The following SEMA5A variants were observed in gnomAD, a reference collection of about 807,000 sequenced individuals.
The protein encoded by SEMA5A is semaphorin 5A.
In SEMA5A, 55 loss-of-function variants were observed where a neutral mutation model predicts 135.5. That is an observed-to-expected ratio of 0.41 (90% CI 0.33 to 0.51). The LOEUF (loss-of-function observed/expected upper bound fraction) is 0.51, where lower values mean the gene tolerates loss of function less well. Among genes scored for constraint, SEMA5A ranks in the 20% least tolerant of loss-of-function variants. The pLI, the probability that SEMA5A is intolerant of heterozygous loss-of-function variation, is 0.37. For missense variants in SEMA5A, 1,290 were observed against 1,419.9 expected (o/e 0.91, Z 1.47); for synonymous variants, 580 against 546.5 (o/e 1.06, Z -0.85).
At chr5:9,324,154 T>C (rs1050453168) in intron 4 of SEMA5A, among the ~76,000 whole-genome samples, 37 of 151,856 alleles carry the variant, frequency 2.4e-4, no homozygotes, top group Admixed American at 4.6e-4. Flanking sequence ...CTGCAAGCTC[T>C]GCCTCCTGGG....
At chr5:9,395,346 G>A (rs1173263316) in intron 2 of SEMA5A, among the ~76,000 whole-genome samples, 2 of 152,166 alleles carry the variant, frequency 1.3e-5, no homozygotes, top group Non-Finnish European at 2.9e-5. Context: ...CAAACTGAAC[G>A]TGAAATCTTT....
intron 1 of SEMA5A, among the ~76,000 whole-genome samples, chr5:9,539,596 A>G (rs1737967165): frequency 6.6e-6 from 1 of 152,220 alleles, no homozygotes; most frequent in South Asian, 2.1e-4. Context: ...GTGTTTTAAT[A>G]CAGATTAAGT....
intron 1 of SEMA5A, among the ~76,000 whole-genome samples, chr5:9,468,574 T>A (rs899593740): frequency 3.9e-5 from 6 of 152,278 alleles, no homozygotes; most frequent in Non-Finnish European, 8.8e-5. Flanking sequence ...ATAAGTGATT[T>A]CTGGTAACAC....
chr5:9,088,110 C>A (rs1490822708), intron 16 of SEMA5A, among the ~76,000 whole-genome samples: 3 of 152,008 alleles, frequency 2.0e-5, no homozygotes, highest in South Asian at 2.1e-4. Flanking sequence ...AGATCAAGAC[C>A]ATTCTGCCCA....
chr5:9,362,837 A>G (rs58453511), intron 3 of SEMA5A, among the ~76,000 whole-genome samples: 1,578 of 152,286 alleles, frequency 0.01, 27 homozygotes, highest in African/African-American at 0.036. Context: ...GTCTTCAACT[A>G]CAAGTTTCAT....
chr5:9,375,349 C>A (rs1176544521), intron 3 of SEMA5A, among the ~76,000 whole-genome samples: 1 of 151,886 alleles, frequency 6.6e-6, no homozygotes, highest in Non-Finnish European at 1.5e-5. Context: ...GACTTATGTC[C>A]TTATAAAAAG....
rs149188938 is a variant in SEMA5A, at chr5:9,108,242, T to A, written c.1971A>T (p.Thr657=). 2.1e-4 allele frequency: 342 copies of A among 1,614,202 alleles called. 2 individuals carry two copies. The African/African-American group carries it at 3.6e-3, about 17-fold the overall frequency. Residue 657 remains threonine, a synonymous_variant, in exon 16 of 23, where the codon ACA becomes ACT. Coordinates refer to ENST00000382496, the MANE Select transcript of SEMA5A (RefSeq NM_003966.3). ...HLLCPPHMFW[T]GWGPWERCTA... is the part of the protein sequence containing the mutation. ...TGCACCGTTCCCAAGGACCCCAGCC[T>A]GTCCAGAACATGTGTGGGGGACATA...
chr5:9,083,574 T>G (rs1738507973), intron 16 of SEMA5A, among the ~76,000 whole-genome samples: 1 of 148,248 alleles, frequency 6.7e-6, no homozygotes, highest in Non-Finnish European at 1.5e-5. Context: ...GGTTTTCCAT[T>G]CATTCATCCA....
intron 5 of SEMA5A, among the ~76,000 whole-genome samples, chr5:9,305,703 TGTGC>T: frequency 1.7e-5 from 1 of 59,790 alleles, no homozygotes; most frequent in East Asian, 4.5e-4. Context: ...ACTGTGTGTG[TGTGC>T]GTATATATAT....
At chr5:9,424,123 T>G (rs945811739) in intron 2 of SEMA5A, among the ~76,000 whole-genome samples, 2 of 151,910 alleles carry the variant, frequency 1.3e-5, no homozygotes, top group Admixed American at 6.6e-5. Context: ...AAGACTCAAC[T>G]GGAAAGAGCC....
chr5:9,073,025 T>C (rs1737853312), intron 16 of SEMA5A, among the ~76,000 whole-genome samples: 1 of 152,178 alleles, frequency 6.6e-6, no homozygotes, highest in Non-Finnish European at 1.5e-5. Flanking sequence ...ACTTGCAACA[T>C]GCCAGCTGTA....
At position 9,273,293 on chromosome 5, in the gene SEMA5A, GA is replaced by G. The variant is rs375917598; in HGVS notation, c.271-35404del. Among the ~76,000 whole-genome samples, 278 of 152,206 alleles carry G rather than the reference GA, an allele frequency of 1.8e-3. 1 individual carries two copies. Among genetic ancestry groups the G allele is most frequent in the African/African-American group, 6.4e-3 (265 of 41,538 alleles). On this transcript the variant is annotated intron_variant, in intron 5 of 22. Coordinates refer to ENST00000382496, the MANE Select transcript of SEMA5A (RefSeq NM_003966.3). The stretch of plus-strand genomic sequence containing the variant: ...GGTGAAGACAAGATTAGAGAAAAAA[GA>G]AGTGAAAAGAAATGAACAAAGCCCC...
intron 2 of SEMA5A, among the ~76,000 whole-genome samples, chr5:9,382,056 G>A (rs1021128764): frequency 6.6e-6 from 1 of 151,608 alleles, no homozygotes; most frequent in African/African-American, 2.4e-5. Flanking sequence ...AGCACTTTGG[G>A]AGGCTGAGGC....
chr5:9,361,475 T>C (rs1754693539), intron 3 of SEMA5A, among the ~76,000 whole-genome samples: 1 of 152,114 alleles, frequency 6.6e-6, no homozygotes, highest in African/African-American at 2.4e-5. Context: ...TAGGACTGAG[T>C]CACATATATT....
chr5:9,515,797 T>C (rs1311881906), intron 1 of SEMA5A, among the ~76,000 whole-genome samples: 2 of 152,180 alleles, frequency 1.3e-5, no homozygotes, highest in African/African-American at 4.8e-5. Flanking sequence ...CACTTAATCA[T>C]GGGATTTTAA....
chr5:9,139,111 C>T lies in SEMA5A; in HGVS notation c.1482-2490G>A, dbSNP rs752824200. Among the ~76,000 whole-genome samples the T allele has an allele frequency of 5.3e-5, 8 of 152,094 alleles. No individual in the cohort carries two copies. The East Asian group carries it at 5.8e-4, about 11-fold the overall frequency. On this transcript the variant is annotated intron_variant, in intron 12 of 22. Transcript: ENST00000382496. ...TGACTTCTTCTCCACCAGATAGATA[C>T]CCAGTAGTGGGATTGCTGGATCAAA...
chr5:9,280,051 A>G lies in SEMA5A; in HGVS notation c.270+38321T>C, dbSNP rs115293591. 9.3e-3 allele frequency among the ~76,000 whole-genome samples: 1,422 copies of G among 152,304 alleles called. 28 individuals are homozygous for G. Among genetic ancestry groups the G allele is most frequent in the African/African-American group, 0.033 (1,370 of 41,566 alleles). ...CCTGATGCAGAATGATGAGTGTCTG[A>G]GGGACAGGATTTTAGAGCAATTTCT... is the stretch of plus-strand genomic sequence containing the variant. On this transcript the variant is annotated intron_variant, in intron 5 of 22. Transcript: ENST00000382496.
At chr5:9,411,297 G>A (rs1271261872) in intron 2 of SEMA5A, among the ~76,000 whole-genome samples, 2 of 152,208 alleles carry the variant, frequency 1.3e-5, no homozygotes, top group African/African-American at 2.4e-5. Context: ...TAGACAAATA[G>A]GAAGTGAGTT....
At chr5:9,149,018 C>T (rs926962771) in intron 12 of SEMA5A, among the ~76,000 whole-genome samples, 3 of 152,210 alleles carry the variant, frequency 2.0e-5, no homozygotes, top group African/African-American at 7.2e-5. Flanking sequence ...CCATGCCCGG[C>T]TGCCCCTTTT....
Sources: gnomAD v4.1 joint callset for allele counts (sites outside exome capture counted in the v4.1 genomes callset) on GRCh38, gnomAD v4.1.1 for gene constraint, MANE v1.5 for transcripts, NCBI Gene and HGNC (gene_info 2026-07-23, HGNC 2026-07-21) for gene names.